The following RHCE variants were observed in gnomAD, a reference collection of about 807,000 sequenced individuals.
The protein encoded by RHCE is blood group Rh(CE) polypeptide.
A neutral mutation model predicts 43.8 loss-of-function variants in RHCE; 22 were observed. The ratio of observed to expected loss-of-function variants is 0.50; its 90% confidence interval spans 0.36 to 0.72. The LOEUF (loss-of-function observed/expected upper bound fraction) is 0.72. Ranked by LOEUF, RHCE falls within the 30% of genes least tolerant of loss-of-function variation. RHCE has a pLI of 0.00. For missense variants in RHCE, 385 were observed against 525.4 expected (o/e 0.73, Z 2.61); for synonymous variants, 156 against 210.7 (o/e 0.74, Z 2.25).
intron 1 of RHCE, chr1:25,411,195 A>T: frequency 1.1e-6 from 1 of 907,984 alleles, no homozygotes. Flanking sequence ...TATCAACAGA[A>T]TAAGGGTAAT....
At chr1:25,424,308 T>C (rs770474035), upstream of RHCE, among the ~76,000 whole-genome samples, 4 of 152,164 alleles carry the variant, frequency 2.6e-5, no homozygotes, top group Admixed American at 6.5e-5. Flanking sequence ...ACAACTGTAC[T>C]GGCTTGCTCC....
intron 2 of RHCE, among the ~76,000 whole-genome samples, chr1:25,408,164 A>G (rs149867242): frequency 0.1 from 12,376 of 121,254 alleles, 2,723 homozygotes; most frequent in African/African-American, 0.29. Flanking sequence ...GCACATGCCT[A>G]TAATCCCAGC....
At chr1:25,403,124 T>C (rs1460334613) in intron 2 of RHCE, among the ~76,000 whole-genome samples, 1 of 151,874 alleles carries the variant, frequency 6.6e-6, no homozygotes, top group Non-Finnish European at 1.5e-5. Flanking sequence ...ATTCGGATGC[T>C]CAACAGAGGG....
intron 7 of RHCE, among the ~76,000 whole-genome samples, chr1:25,378,776 T>C (rs1645864292): frequency 6.6e-6 from 1 of 152,232 alleles, no homozygotes; most frequent in Admixed American, 6.5e-5. Context: ...TGTGTGGCCC[T>C]GCAAGACGTG....
chr1:25,412,072 A>C (rs768271098), intron 1 of RHCE, among the ~76,000 whole-genome samples: 46 of 151,042 alleles, frequency 3.0e-4, no homozygotes, highest in African/African-American at 9.7e-4. Context: ...CTTCAGGAAA[A>C]GTTTATGAAA....
At chr1:25,379,479 ATATATATATATATATATTTTTTTT>A (rs1476461594) in intron 7 of RHCE, among the ~76,000 whole-genome samples, 129 of 26,336 alleles carry the variant, frequency 4.9e-3, no homozygotes, top group East Asian at 8.6e-3. Context: ...ATATATATAT[ATATATATATATATATATTTTTTTT>A]TTTTTTTTTT....
chr1:25,384,710 T>A (rs1646098600), intron 7 of RHCE, among the ~76,000 whole-genome samples: 1 of 152,200 alleles, frequency 6.6e-6, no homozygotes, highest in African/African-American at 2.4e-5. Context: ...AGCGCCTCCA[T>A]GATTTCTCTG....
rs530689079 is a variant in RHCE, at chr1:25,373,440, C to T, written c.1153+1909G>A. ...GGATTGCCAGCTGCCACGAACTGAACGTTAACTTACGGAATTAACTCTACT... is the reference window on the plus strand; with the variant it reads ...GGATTGCCAGCTGCCACGAACTGAATGTTAACTTACGGAATTAACTCTACT... On this transcript the variant is annotated intron_variant, in intron 8 of 9. Coordinates refer to ENST00000294413, the MANE Select transcript of RHCE (RefSeq NM_020485.8). Among the ~76,000 whole-genome samples, 13 of 151,852 alleles carry T rather than the reference C, an allele frequency of 8.6e-5. No individual in the cohort carries two copies. In the South Asian group the frequency reaches 1.0e-3, roughly 12 times the overall value.
In RHCE at chr1:25,408,630, T is replaced by G. The variant is rs1380175011; in HGVS notation, c.335+53A>C. ...CCCAGATCTTCTGGAACCTGTCCTT[T>G]CGGGGTCCATTCCCTCTATGACCCA... On this transcript the variant is annotated intron_variant, in intron 2 of 9. Transcript: ENST00000294413. 58 of 1,138,924 alleles carry G rather than the reference T, an allele frequency of 5.1e-5. 4 individuals are homozygous for G. In the African/African-American group the frequency reaches 7.6e-4, roughly 15 times the overall value. 70.6% of individuals were successfully genotyped at this position (1,138,924 alleles called of 1,614,324 possible). A position where few individuals can be genotyped will look rare whatever the true frequency, so the allele number is the denominator to read the frequency against.
intron 6 of RHCE, among the ~76,000 whole-genome samples, chr1:25,387,591 C>T (rs1386273239): frequency 1.3e-5 from 2 of 152,134 alleles, no homozygotes; most frequent in African/African-American, 4.8e-5. Context: ...CTTTTTTCTG[C>T]CCTTCCTCCT....
At chr1:25,387,151 C>T (rs1450690862) in intron 6 of RHCE, among the ~76,000 whole-genome samples, 2 of 152,214 alleles carry the variant, frequency 1.3e-5, no homozygotes, top group African/African-American at 4.8e-5. Context: ...GACCCTATGC[C>T]TTCAGAATGT....
Position 25,394,617 on chromosome 1 carries a change from A to T in RHCE, c.487-2476T>A, listed in dbSNP as rs372391749. Reference sequence around the variant, plus strand: ...TTGGCAGTCTTTCCTTCTGGAACAGATGTTCCACGAGAGTTGTATTTTCCA... The same window carrying T: ...TTGGCAGTCTTTCCTTCTGGAACAGTTGTTCCACGAGAGTTGTATTTTCCA... On this transcript the variant is annotated intron_variant, in intron 3 of 9. Transcript: ENST00000294413. Among the ~76,000 whole-genome samples, 3 of 152,162 alleles carry T rather than the reference A, an allele frequency of 2.0e-5. No individual in the cohort carries two copies. In the East Asian group the frequency reaches 5.8e-4, roughly 29 times the overall value.
At chr1:25,403,823 A>T (rs577881716) in intron 2 of RHCE, among the ~76,000 whole-genome samples, 26 of 151,956 alleles carry the variant, frequency 1.7e-4, no homozygotes, top group African/African-American at 6.3e-4. Context: ...ATGATTTATT[A>T]TAAGAGCATT....
chr1:25,404,983 G>C (rs1432861689), intron 2 of RHCE, among the ~76,000 whole-genome samples: 2 of 150,270 alleles, frequency 1.3e-5, no homozygotes, highest in Non-Finnish European at 3.0e-5. Context: ...TTAAGGCCTG[G>C]AGTTTGAGAC....
At chr1:25,401,020 T>C (rs1447511135) in intron 3 of RHCE, among the ~76,000 whole-genome samples, 1 of 152,190 alleles carries the variant, frequency 6.6e-6, no homozygotes, top group Non-Finnish European at 1.5e-5. Flanking sequence ...CTGCTTCCTC[T>C]CTTGCCCCTT....
intron 4 of RHCE, 30 bp downstream of exon 4, chr1:25,391,964 A>C: frequency 5.0e-6 from 8 of 1,612,880 alleles, no homozygotes; most frequent in Non-Finnish European, 6.8e-6. Flanking sequence ...CAGCCCAAGT[A>C]TGAGACCACT....
At chr1:25,380,098 C>CTGTAA (rs1242657425) in intron 7 of RHCE, among the ~76,000 whole-genome samples, 1 of 144,980 alleles carries the variant, frequency 6.9e-6, no homozygotes, top group Non-Finnish European at 1.5e-5. Context: ...TTCCCTCTGG[C>CTGTAA]TGTAAGCCTG....
At chr1:25,399,641 A>G (rs1646667340) in intron 3 of RHCE, among the ~76,000 whole-genome samples, 2 of 152,192 alleles carry the variant, frequency 1.3e-5, no homozygotes, top group South Asian at 4.1e-4. Context: ...TTTAATTTTC[A>G]AAAACTTCCC....
At chr1:25,413,886 T>G (rs2982343) in intron 1 of RHCE, among the ~76,000 whole-genome samples, 3 of 150,564 alleles carry the variant, frequency 2.0e-5, no homozygotes, top group African/African-American at 7.3e-5. Context: ...ATCCTGCCTT[T>G]CTATACAGCA....
Sources: allele counts gnomAD v4.1 joint callset (sites outside exome capture counted in the v4.1 genomes callset), GRCh38; gene constraint gnomAD v4.1.1; transcripts MANE v1.5; gene names NCBI Gene and HGNC (gene_info 2026-07-23, HGNC 2026-07-21).